Variants in RHEB observed in about 807,000 individuals in gnomAD.
RHEB encodes Ras homolog, mTORC1 binding.
A neutral mutation model predicts 28.8 loss-of-function variants in RHEB; 2 were observed. The observed-to-expected ratio is 0.07, with a 90% CI of 0.03 to 0.22. RHEB has a LOEUF of 0.22. Ranked by LOEUF, RHEB falls within the 10% of genes least tolerant of loss-of-function variation. The pLI, the probability that RHEB is intolerant of heterozygous loss-of-function variation, is 1.00. For missense variants in RHEB, 76 were observed against 219.9 expected (o/e 0.35, Z 4.14); for synonymous variants, 69 against 77.3 (o/e 0.89, Z 0.56).
intron 1 of RHEB, chr7:151,502,566 C>CAAAAAAAAATA (rs1267955195): frequency 1.1e-5 from 13 of 1,144,200 alleles, no homozygotes; most frequent in Non-Finnish European, 1.7e-5. Context: ...TATTGTGTGA[C>CAAAAAAAAATA]AACAAATTCC....
chr7:151,499,551 C>T (rs1802734046), intron 1 of RHEB, among the ~76,000 whole-genome samples: 1 of 152,188 alleles, frequency 6.6e-6, no homozygotes, highest in African/African-American at 2.4e-5. Flanking sequence ...ATATAAAGCA[C>T]AGTACCTGGC....
chr7:151,518,488 T>C (rs1803120951), intron 1 of RHEB, among the ~76,000 whole-genome samples: 1 of 152,132 alleles, frequency 6.6e-6, no homozygotes, highest in South Asian at 2.1e-4. Flanking sequence ...CCCGAAAAGA[T>C]GAACTAATTT....
At chr7:151,475,224 C>G (rs1426864357) in intron 4 of RHEB, among the ~76,000 whole-genome samples, 1 of 152,122 alleles carries the variant, frequency 6.6e-6, no homozygotes, top group African/African-American at 2.4e-5. Flanking sequence ...GCTATGTTTT[C>G]AACTTGATTC....
intron 4 of RHEB, among the ~76,000 whole-genome samples, chr7:151,475,824 A>G (rs1393179662): frequency 2.0e-5 from 3 of 152,254 alleles, no homozygotes; most frequent in Non-Finnish European, 4.4e-5. Context: ...GGAAAAATAT[A>G]TATTACATGG....
rs781512533 is a variant in RHEB at position 151,467,192 on chromosome 7, C to T, written c.482G>A (p.Arg161Gln). 40 of 1,612,926 alleles carry T rather than the reference C, an allele frequency of 2.5e-5. No homozygotes were observed. Among genetic ancestry groups the T allele is most frequent in the Admixed American group, 1.7e-4 (10 of 60,000 alleles). Residue 161 changes from arginine (R) to glutamine (Q), a missense_variant, in exon 8 of 8, where the codon CGA becomes CAA. Physicochemically the swap from Arg to Gln is conservative, Grantham distance 43. Coordinates refer to ENST00000262187, the MANE Select transcript of RHEB (RefSeq NM_005614.4). ...TTTTTCTGCCTCCAAAATTATCCTT[C>T]GAAAAACATCCACAGCAGTCTGAAA... ...KENQTAVDVF[R>Q]RIILEAEKMD... is the part of the protein sequence containing the mutation.
intron 1 of RHEB, among the ~76,000 whole-genome samples, chr7:151,507,054 G>C (rs1227504805): frequency 6.6e-5 from 10 of 152,182 alleles, no homozygotes; most frequent in South Asian, 4.1e-4. Context: ...GCAAGCACAG[G>C]AATACCAGGA....
intron 1 of RHEB, among the ~76,000 whole-genome samples, chr7:151,491,419 G>A (rs1026712690): frequency 6.6e-6 from 1 of 152,190 alleles, no homozygotes; most frequent in African/African-American, 2.4e-5. Context: ...ACGGTTAGAA[G>A]TGTTACCAAG....
At chr7:151,512,226 T>TA (rs1258653077) in intron 1 of RHEB, among the ~76,000 whole-genome samples, 1 of 152,212 alleles carries the variant, frequency 6.6e-6, no homozygotes, top group Non-Finnish European at 1.5e-5. Flanking sequence ...TGGACACTAT[T>TA]ACAGTTGTTT....
chr7:151,492,378 G>A (rs137899815), intron 1 of RHEB, among the ~76,000 whole-genome samples: 4,742 of 152,218 alleles, frequency 0.031, 213 homozygotes, highest in African/African-American at 0.1. Context: ...ACTTTGGGAG[G>A]CTGAAGCGGG....
At chr7:151,517,196 C>A (rs1335513182) in intron 1 of RHEB, among the ~76,000 whole-genome samples, 2 of 151,990 alleles carry the variant, frequency 1.3e-5, no homozygotes, top group Non-Finnish European at 2.9e-5. Flanking sequence ...GTGGTGAAAC[C>A]CGTCTCTACT....
intron 1 of RHEB, among the ~76,000 whole-genome samples, chr7:151,516,565 G>A (rs1400463539): frequency 7.0e-6 from 1 of 142,690 alleles, no homozygotes; most frequent in African/African-American, 2.6e-5. Context: ...AGAGGTTGCA[G>A]TGAGCCCAGA....
intron 2 of RHEB, among the ~76,000 whole-genome samples, chr7:151,490,129 G>A (rs913689682): frequency 4.6e-5 from 7 of 152,130 alleles, no homozygotes; most frequent in South Asian, 2.1e-4. Context: ...TATCCTTGGC[G>A]ATCCCTAGAA....
chr7:151,510,900 A>C (rs1320710521), intron 1 of RHEB, among the ~76,000 whole-genome samples: 1 of 152,034 alleles, frequency 6.6e-6, no homozygotes, highest in Non-Finnish European at 1.5e-5. Flanking sequence ...GCAACAAGTA[A>C]GACCTCATGT....
rs769617589 is a variant in RHEB at position 151,471,530 on chromosome 7, A to G, written c.332+19T>C. On this transcript the variant is annotated intron_variant, in intron 5 of 7. Transcript: ENST00000262187. ...TAAAAGAAGTTTCTCTAACAAGCAG[A>G]TAAAATGGTACTACTTACTGTACTT... 7 of 1,590,412 alleles carry G rather than the reference A, an allele frequency of 4.4e-6. No individual in the cohort carries two copies. In the East Asian group the frequency reaches 1.6e-4, roughly 36 times the overall value.
At chr7:151,494,080 TGGAAAGAAA>T (rs1584859113) in intron 1 of RHEB, among the ~76,000 whole-genome samples, 1 of 151,756 alleles carries the variant, frequency 6.6e-6, no homozygotes, top group Non-Finnish European at 1.5e-5. Context: ...TGCTTACAAA[TGGAAAGAAA>T]GGAAAGAAAG....
At chr7:151,495,840 T>C (rs1802663016) in intron 1 of RHEB, among the ~76,000 whole-genome samples, 1 of 152,166 alleles carries the variant, frequency 6.6e-6, no homozygotes, top group African/African-American at 2.4e-5. Flanking sequence ...ATAGTCTCAG[T>C]TACTCAAGAA....
chr7:151,500,046 C>T (rs1225718105), intron 1 of RHEB, among the ~76,000 whole-genome samples: 1 of 152,202 alleles, frequency 6.6e-6, no homozygotes, highest in African/African-American at 2.4e-5. Context: ...AAGCGGTCCG[C>T]CCATTCTGTC....
chr7:151,509,281 G>A (rs540352700), intron 1 of RHEB, among the ~76,000 whole-genome samples: 1 of 152,286 alleles, frequency 6.6e-6, no homozygotes, highest in East Asian at 1.9e-4. Flanking sequence ...CCTACTTGTA[G>A]GCACAGCCAC....
At position 151,471,440 on chromosome 7, in the gene RHEB, T is replaced by A; in HGVS notation, c.334A>T (p.Ile112Leu). 1 of 1,580,984 alleles carries A rather than the reference T, an allele frequency of 6.3e-7. No individual in the cohort carries two copies. The highest frequency in any genetic ancestry group is 8.7e-7 in the Non-Finnish European group (1 of 1,152,102). ...KLLDMVGKVQ[I>L]PIMLVGNKKD... ...TTATTCCCAACCAACATAATAGGTA[T>A]TCTATTTGTAAGAAAAAAAAGACAA... The change falls in exon 6 of 8, where the codon ATA becomes TTA. Residue 112 changes from isoleucine to leucine, a missense_variant and splice_region_variant. By Grantham distance (5) the Ile-to-Leu change is conservative. Transcript: ENST00000262187.
Sources: gnomAD v4.1 joint callset for allele counts (sites outside exome capture counted in the v4.1 genomes callset) on GRCh38, gnomAD v4.1.1 for gene constraint, MANE v1.5 for transcripts, NCBI Gene and HGNC (gene_info 2026-07-23, HGNC 2026-07-21) for gene names.